The following PACS1 variants were observed in gnomAD, a reference collection of about 807,000 sequenced individuals.
PACS1 encodes the protein phosphofurin acidic cluster sorting protein 1, also known as PACS-1.
A neutral mutation model predicts 115.0 loss-of-function variants in PACS1; 24 were observed. That is an observed-to-expected ratio of 0.21 (90% CI 0.15 to 0.29). PACS1 has a LOEUF of 0.29. PACS1 is among the 10% of genes least tolerant of loss of function. The pLI, the probability that PACS1 is intolerant of heterozygous loss-of-function variation, is 1.00. For missense variants in PACS1, 838 were observed against 1,251.2 expected (o/e 0.67, Z 4.98); for synonymous variants, 453 against 504.5 (o/e 0.90, Z 1.37).
intron 1 of PACS1, among the ~76,000 whole-genome samples, chr11:66,156,295 GGCTGGAGT>G (rs1439473217): frequency 7.3e-6 from 1 of 137,574 alleles, no homozygotes. Flanking sequence ...CTGTCCCCCA[GGCTGGAGT>G]GCAGTGGTGT....
chr11:66,077,388 C>A (rs1223932314), intron 1 of PACS1, among the ~76,000 whole-genome samples: 6 of 152,158 alleles, frequency 3.9e-5, no homozygotes, highest in African/African-American at 1.4e-4. Flanking sequence ...CATGGCAACC[C>A]CTCTCCACAA....
rs1156784897 is a variant in PACS1, at chr11:66,094,015, C to T, written c.356+23173C>T. 2.7e-5 allele frequency among the ~76,000 whole-genome samples: 4 copies of T among 150,512 alleles called. No homozygotes were observed. The Middle Eastern group carries it at 0.01, about 389-fold the overall frequency. ...GAAACCAACGAGAACAAAGACACAA[C>T]ATACCAGAATCTCTGGGACGCATTC... On this transcript the variant is annotated intron_variant, in intron 1 of 23. Transcript: ENST00000320580.
At chr11:66,227,726 C>T (rs559367634) in intron 11 of PACS1, 142 bp downstream of exon 11, 1 of 564,040 alleles carries the variant, frequency 1.8e-6, no homozygotes, top group South Asian at 2.5e-5. Flanking sequence ...TCTCTTTCTC[C>T]TGAAATCCTT....
intron 2 of PACS1, among the ~76,000 whole-genome samples, chr11:66,202,424 C>G (rs80256695): frequency 4.6e-5 from 7 of 151,954 alleles, no homozygotes; most frequent in African/African-American, 1.5e-4. Flanking sequence ...ACCACTGATA[C>G]AAAAATCATC....
chr11:66,216,865 C>CTTTTTTTTTTTTTTTTTTTTTTTTTTTT, intron 7 of PACS1, 90 bp downstream of exon 7: 4 of 818,118 alleles, frequency 4.9e-6, no homozygotes, highest in Admixed American at 2.0e-5. Context: ...GTGGAGACTT[C>CTTTTTTTTTTTTTTTTTTTTTTTTTTTT]TTAAAATCAA....
At chr11:66,156,204 TTATATATATATATA>T (rs61270162) in intron 1 of PACS1, among the ~76,000 whole-genome samples, 2,371 of 85,002 alleles carry the variant, frequency 0.028, 78 homozygotes, top group South Asian at 0.055. Flanking sequence ...ATTTTTTAAA[TTATATATATATATA>T]TATATATATA....
intron 1 of PACS1, among the ~76,000 whole-genome samples, chr11:66,104,027 G>A (rs1037808131): frequency 6.6e-6 from 1 of 151,444 alleles, no homozygotes; most frequent in Non-Finnish European, 1.5e-5. Context: ...CAAAAGATAG[G>A]GACACTTTAA....
At chr11:66,163,928 T>A (rs545487060) in intron 1 of PACS1, among the ~76,000 whole-genome samples, 16 of 152,300 alleles carry the variant, frequency 1.1e-4, no homozygotes, top group South Asian at 4.1e-4. Flanking sequence ...GACCTATTTT[T>A]AAAAAATGTT....
At chr11:66,155,347 A>T (rs911316691) in intron 1 of PACS1, among the ~76,000 whole-genome samples, 53 of 152,230 alleles carry the variant, frequency 3.5e-4, no homozygotes, top group Non-Finnish European at 2.9e-5. Context: ...TATGGGATAA[A>T]ATGTTTACAA....
chr11:66,112,773 G>A (rs1045045330), intron 1 of PACS1, among the ~76,000 whole-genome samples: 1 of 152,186 alleles, frequency 6.6e-6, no homozygotes, highest in Non-Finnish European at 1.5e-5. Flanking sequence ...AAAGCCTCTG[G>A]TGCCTTGCTT....
At chr11:66,190,537 TG>T (rs1306313728) in intron 1 of PACS1, among the ~76,000 whole-genome samples, 1 of 152,190 alleles carries the variant, frequency 6.6e-6, no homozygotes, top group African/African-American at 2.4e-5. Context: ...GCGATTCTCC[TG>T]CCTCAGCCTC....
intron 1 of PACS1, among the ~76,000 whole-genome samples, chr11:66,078,632 C>G (rs997556630): frequency 2.6e-5 from 4 of 152,210 alleles, no homozygotes; most frequent in African/African-American, 9.6e-5. Flanking sequence ...TCACTCTGTT[C>G]AGCCTCAACC....
At chr11:66,092,730 T>C in intron 1 of PACS1, among the ~76,000 whole-genome samples, 1 of 152,180 alleles carries the variant, frequency 6.6e-6, no homozygotes, top group African/African-American at 2.4e-5. Context: ...CAGTTTCAGC[T>C]TTCTACATAT....
At chr11:66,106,712 C>T (rs780446692) in intron 1 of PACS1, among the ~76,000 whole-genome samples, 4 of 151,886 alleles carry the variant, frequency 2.6e-5, no homozygotes, top group Admixed American at 6.6e-5. Flanking sequence ...GCCAGGATCA[C>T]ACCACTGCAC....
chr11:66,128,226 GT>G (rs1297048275), intron 1 of PACS1, among the ~76,000 whole-genome samples: 2 of 152,042 alleles, frequency 1.3e-5, no homozygotes, highest in Non-Finnish European at 2.9e-5. Context: ...GGTATTAATG[GT>G]ATTAAGAAGT....
chr11:66,239,687 TG>T (rs1372676381), intron 21 of PACS1, among the ~76,000 whole-genome samples: 1 of 152,174 alleles, frequency 6.6e-6, no homozygotes, highest in Non-Finnish European at 1.5e-5. Context: ...ACCTCCCAGG[TG>T]TTGTTATGGG....
chr11:66,123,228 G>A (rs1003485101), intron 1 of PACS1, among the ~76,000 whole-genome samples: 3 of 149,750 alleles, frequency 2.0e-5, no homozygotes, highest in Middle Eastern at 3.4e-3. Flanking sequence ...GTCTTGCTTG[G>A]TTGCCCGGGC....
At chr11:66,098,840 T>G (rs1857845099) in intron 1 of PACS1, among the ~76,000 whole-genome samples, 4 of 152,136 alleles carry the variant, frequency 2.6e-5, no homozygotes, top group Admixed American at 2.6e-4. Context: ...ATGACCAAAT[T>G]CAGGTCATGA....
chr11:66,177,286 G>A (rs963063615), intron 1 of PACS1, among the ~76,000 whole-genome samples: 38 of 152,080 alleles, frequency 2.5e-4, no homozygotes, highest in African/African-American at 8.7e-4. Context: ...ACCACCTCCC[G>A]GGTTCAAGCG....
Sources: gnomAD v4.1 joint callset for allele counts (sites outside exome capture counted in the v4.1 genomes callset) on GRCh38, gnomAD v4.1.1 for gene constraint, MANE v1.5 for transcripts, NCBI Gene and HGNC (gene_info 2026-07-23, HGNC 2026-07-21) for gene names.